ORC1: variants seen among roughly 807,000 people sequenced by gnomAD.
ORC1 encodes the protein origin recognition complex subunit 1.
Under a neutral mutation model 98.9 loss-of-function variants are expected in ORC1, and 61 were observed. The observed-to-expected ratio is 0.62, with a 90% CI of 0.50 to 0.76. ORC1 has a LOEUF of 0.76. ORC1 is among the 30% of genes least tolerant of loss of function. The pLI is 0.00. For missense variants in ORC1, 979 were observed against 1,072.2 expected, an observed-to-expected ratio of 0.91 and a Z score of 1.21; for synonymous variants, 385 against 406.9, an observed-to-expected ratio of 0.95 and a Z score of 0.65.
At chr1:52,408,223 G>C, upstream of ORC1, 2 of 379,672 alleles carry the variant, frequency 5.3e-6, no homozygotes, top group South Asian at 2.0e-5. Context: ...CTGGGCAACA[G>C]AGCAAGACTC....
At chr1:52,385,725 G>T in intron 9 of ORC1, 127 bp downstream of exon 9, 1 of 740,968 alleles carries the variant, frequency 1.3e-6, no homozygotes, top group Non-Finnish European at 2.4e-6. Flanking sequence ...TACCTAGATA[G>T]GTAAAAGTAT....
chr1:52,393,374 A>G, intron 6 of ORC1, 69 bp downstream of exon 6: 1 of 1,603,768 alleles, frequency 6.2e-7, no homozygotes, highest in South Asian at 1.1e-5. Flanking sequence ...AACTTTTTTG[A>G]CTATGACTCA....
intron 6 of ORC1, among the ~76,000 whole-genome samples, chr1:52,390,690 A>G (rs1288232097): frequency 6.6e-6 from 1 of 152,082 alleles, no homozygotes; most frequent in African/African-American, 2.4e-5. Flanking sequence ...CAGGAGTTTG[A>G]GATCAGCCTG....
At chr1:52,379,532 C>T (rs1405494691) in intron 14 of ORC1, among the ~76,000 whole-genome samples, 2 of 151,784 alleles carry the variant, frequency 1.3e-5, no homozygotes, top group Non-Finnish European at 2.9e-5. Flanking sequence ...CGTGAGCCAC[C>T]GCACCCAGCC....
chr1:52,388,422 T>G lies in ORC1; in HGVS notation c.1383+20A>C. The G allele has an allele frequency of 6.2e-7, 1 of 1,603,348 alleles. No individual in the cohort carries two copies. The stretch of plus-strand genomic sequence containing the variant: ...AAGAGAGGGATGCTTCAATGGGAAG[T>G]AAACCTAGAAGAACCTTACACTCTT... On this transcript the variant is annotated intron_variant, in intron 8 of 16. Transcript: ENST00000371568.
At chr1:52,395,919 T>C in intron 5 of ORC1, 127 bp downstream of exon 5, 1 of 1,489,784 alleles carries the variant, frequency 6.7e-7, no homozygotes, top group Non-Finnish European at 9.1e-7. Flanking sequence ...TGCTTGAGCA[T>C]GATCACTTGA....
chr1:52,407,014 G>C (rs1648014528), upstream of ORC1, among the ~76,000 whole-genome samples: 1 of 152,116 alleles, frequency 6.6e-6, no homozygotes, highest in Non-Finnish European at 1.5e-5. Context: ...AAAGGGAAGA[G>C]GAACAACTCT....
At chr1:52,380,292 A>C (rs1647045191) in intron 14 of ORC1, among the ~76,000 whole-genome samples, 1 of 152,248 alleles carries the variant, frequency 6.6e-6, no homozygotes. Context: ...CTTACACCTG[A>C]GAGGACAACC....
At position 52,373,281 on chromosome 1, in the gene ORC1, C is replaced by G. The variant is rs1646957115; in HGVS notation, c.2486G>C (p.Cys829Ser). The G allele has an allele frequency of 6.2e-7, 1 of 1,614,194 alleles. No homozygotes were observed. The highest frequency in any genetic ancestry group is 8.5e-7 in the Non-Finnish European group (1 of 1,180,018). Residue 829 changes from cysteine (C) to serine (S), a missense_variant, in exon 17 of 17, where the codon TGT becomes TCT. Coordinates refer to ENST00000371568, the MANE Select transcript of ORC1 (RefSeq NM_004153.4). The stretch of plus-strand genomic sequence containing the variant: ...GCTGGGCTCCACAAGCAGGAGGCGA[C>G]AGGAGCCCAGGTGAGAACACACGGC... ...TMAVCSHLGS[C>S]RLLLVEPSRN... is the part of the protein sequence containing the mutation.
chr1:52,383,537 T>C lies in ORC1; in HGVS notation c.1896A>G (p.Ile632Met), dbSNP rs1647100802. ...TGGGCCAGTCAAAGAGATTGTACAT[T>C]ATGTCTTGTTTGTGAGTCCACAGAA... ...LDLLWTHKQD[I>M]MYNLFDWPTH... Residue 632 changes from isoleucine to methionine, a missense_variant, in exon 13 of 17, where the codon ATA becomes ATG. Coordinates refer to ENST00000371568, the MANE Select transcript of ORC1 (RefSeq NM_004153.4). 6.2e-7 allele frequency: 1 copy of C among 1,613,994 alleles called. No individual in the cohort carries two copies. Among genetic ancestry groups the C allele is most frequent in the South Asian group, 1.1e-5 (1 of 91,074 alleles).
intron 14 of ORC1, among the ~76,000 whole-genome samples, chr1:52,377,335 C>T (rs1249943939): frequency 6.6e-6 from 1 of 152,094 alleles, no homozygotes; most frequent in Non-Finnish European, 1.5e-5. Flanking sequence ...AGTGCAGTGG[C>T]ATGATCATGA....
intron 12 of ORC1, 23 bp from the exon 13 acceptor site, chr1:52,383,592 T>C (rs1569920704): frequency 6.2e-7 from 1 of 1,613,616 alleles, no homozygotes. Context: ...AGGAGAGAGG[T>C]GCAGAGTCAA....
At position 52,381,664 on chromosome 1, in the gene ORC1, G is replaced by A; in HGVS notation, c.2111C>T (p.Ala704Val). The part of the protein sequence containing the change: ...LKHLKAFEDD[A>V]IQLVARKVAA... ...TACCTTCCTGGCTACCAGCTGGATG[G>A]CATCATCTTCAAAGGCCTTTAGATG... The change falls in exon 14 of 17, where the codon GCC becomes GTC. Residue 704 changes from alanine to valine, a missense_variant. Physicochemically the swap from Ala to Val is moderately conservative, Grantham distance 64. Coordinates refer to ENST00000371568, the MANE Select transcript of ORC1 (RefSeq NM_004153.4). 6.2e-7 allele frequency: 1 copy of A among 1,612,850 alleles called. No homozygotes were observed. Among genetic ancestry groups the A allele is most frequent in the Non-Finnish European group, 8.5e-7 (1 of 1,179,696 alleles).
At chr1:52,384,307 A>G (rs750124772) in intron 11 of ORC1, among the ~76,000 whole-genome samples, 1 of 152,188 alleles carries the variant, frequency 6.6e-6, no homozygotes, top group East Asian at 1.9e-4. Context: ...GCTACCTGTA[A>G]GCTCACAGTT....
chr1:52,384,589 C>T lies in ORC1; in HGVS notation c.1716G>A (p.Lys572=). 1 of 1,614,180 alleles carries T rather than the reference C, an allele frequency of 6.2e-7. No individual in the cohort carries two copies. Among genetic ancestry groups the T allele is most frequent in the Non-Finnish European group, 8.5e-7 (1 of 1,180,020 alleles). ...CATAGACTTGGTGGGGCTCCGTCAG[C>T]TTCATGCCATTGACCTCAATGTATT... ...PFQYIEVNGM[K]LTEPHQVYVQ... The change falls in exon 11 of 17, where the codon AAG becomes AAA. Residue 572 remains lysine (K), a synonymous_variant. Transcript: ENST00000371568.
rs935578747 is a variant in ORC1 at position 52,373,505 on chromosome 1, G to C, written c.2392-130C>G. On this transcript the variant is annotated intron_variant, in intron 16 of 16. Transcript: ENST00000371568. Reference sequence around the variant, plus strand: ...ATATCAAACACTCCAGAAGGCATCAGTTGGTGCCCCAGTGGTACACAAAAT... The same window carrying C: ...ATATCAAACACTCCAGAAGGCATCACTTGGTGCCCCAGTGGTACACAAAAT... 40 of 773,840 alleles carry C rather than the reference G, an allele frequency of 5.2e-5. 1 individual carries two copies. In the East Asian group the frequency reaches 1.1e-3, roughly 21 times the overall value. The allele number at this position is 773,840 out of a possible 1,614,324, so 47.9% of individuals were successfully genotyped here.
chr1:52,378,815 C>T (rs1350432331), intron 14 of ORC1, among the ~76,000 whole-genome samples: 4 of 151,874 alleles, frequency 2.6e-5, no homozygotes, highest in African/African-American at 4.8e-5. Flanking sequence ...AAGCAGATCA[C>T]GAGGTCAGGA....
intron 1 of ORC1, among the ~76,000 whole-genome samples, chr1:52,403,423 C>A (rs145647455): frequency 9.9e-5 from 15 of 152,262 alleles, no homozygotes; most frequent in African/African-American, 3.6e-4. Context: ...GATTCACAAA[C>A]CTCCTAAAGT....
chr1:52,379,910 C>T (rs935291837), intron 14 of ORC1, among the ~76,000 whole-genome samples: 3 of 151,680 alleles, frequency 2.0e-5, no homozygotes, highest in Admixed American at 6.6e-5. Flanking sequence ...TCCAGCCTGG[C>T]GACAGAGTGA....
Sources: allele counts gnomAD v4.1 joint callset (sites outside exome capture counted in the v4.1 genomes callset), GRCh38; gene constraint gnomAD v4.1.1; transcripts MANE v1.5; gene names NCBI Gene and HGNC (gene_info 2026-07-23, HGNC 2026-07-21).